Variants in CDH2 observed in about 807,000 individuals in gnomAD.
CDH2 encodes the protein cadherin 2.
CDH2 carries 17 observed loss-of-function variants against 92.0 expected under a neutral mutation model. The observed-to-expected ratio is 0.18, with a 90% confidence interval of 0.13 to 0.28. CDH2 has a LOEUF of 0.28. Ranked by LOEUF, CDH2 falls within the 10% of genes least tolerant of loss-of-function variation. The probability of loss-of-function intolerance (pLI) is 1.00; values close to 1 mark genes in which losing one functional copy is unlikely to be tolerated. For synonymous variants in CDH2, 419 were observed against 415.9 expected, an observed-to-expected ratio of 1.01 and a Z score of -0.09; for missense variants, 862 against 1,133.1, an observed-to-expected ratio of 0.76 and a Z score of 3.44.
chr18:28,060,755 A>G (rs2014387539), intron 2 of CDH2, among the ~76,000 whole-genome samples: 1 of 152,182 alleles, frequency 6.6e-6, no homozygotes, highest in African/African-American at 2.4e-5. Context: ...AGGTCATCTC[A>G]TATACTTCCT....
At chr18:28,001,466 C>T (rs926963536) in intron 7 of CDH2, among the ~76,000 whole-genome samples, 3 of 152,138 alleles carry the variant, frequency 2.0e-5, no homozygotes, top group African/African-American at 7.2e-5. Flanking sequence ...ATATGAGCAA[C>T]CTGGCACTGA....
chr18:28,056,484 C>A (rs2014296091), intron 2 of CDH2, among the ~76,000 whole-genome samples: 1 of 151,986 alleles, frequency 6.6e-6, no homozygotes, highest in African/African-American at 2.4e-5. Context: ...TTTCTTAGGT[C>A]TTTGATTATG....
intron 15 of CDH2, among the ~76,000 whole-genome samples, chr18:27,960,484 G>T (rs1348696015): frequency 6.6e-6 from 1 of 152,284 alleles, no homozygotes; most frequent in Non-Finnish European, 1.5e-5. Flanking sequence ...AGGGCCTTGA[G>T]ATGAAGTTGG....
chr18:28,020,551 T>G (rs1432334869), intron 2 of CDH2, among the ~76,000 whole-genome samples: 6 of 152,028 alleles, frequency 3.9e-5, no homozygotes, highest in Non-Finnish European at 8.8e-5. Context: ...ACATTTTCCT[T>G]ATGAATGGCA....
chr18:28,008,733 A>C (rs1437259294), intron 5 of CDH2, among the ~76,000 whole-genome samples: 1 of 152,074 alleles, frequency 6.6e-6, no homozygotes, highest in Non-Finnish European at 1.5e-5. Flanking sequence ...CCTAGAACTT[A>C]AAGTATAATA....
At chr18:28,154,589 T>G (rs2016179394) in intron 1 of CDH2, among the ~76,000 whole-genome samples, 1 of 152,232 alleles carries the variant, frequency 6.6e-6, no homozygotes, top group African/African-American at 2.4e-5. Context: ...ACATTGTTTT[T>G]GTTCTTGTTC....
intron 1 of CDH2, among the ~76,000 whole-genome samples, chr18:28,176,579 T>C (rs913217305): frequency 6.6e-6 from 1 of 151,960 alleles, no homozygotes; most frequent in African/African-American, 2.4e-5. Flanking sequence ...AACAAAAAAA[T>C]TGGAGCAAAG....
rs1185626347 is a variant in CDH2 at position 27,951,792 on chromosome 18, A to G, written c.*361T>C. 2 of 192,330 alleles carry G rather than the reference A, an allele frequency of 1.0e-5. No homozygotes were observed. The highest frequency in any genetic ancestry group is 4.7e-5 in the African/African-American group (2 of 42,670). 11.9% of individuals were successfully genotyped at this position (192,330 alleles called of 1,614,324 possible). A position where few individuals can be genotyped will look rare whatever the true frequency, so the allele number is the denominator to read the frequency against. On this transcript the variant is annotated 3_prime_UTR_variant, in exon 16 of 16. Coordinates refer to ENST00000269141, the MANE Select transcript of CDH2 (RefSeq NM_001792.5). ...TAACAAAAGCGTGTTGAAGCATATC[A>G]TGGTTTAACTTACTGCTCCCACCAC...
intron 2 of CDH2, among the ~76,000 whole-genome samples, chr18:28,114,051 T>C (rs1327062546): frequency 6.6e-6 from 1 of 152,072 alleles, no homozygotes; most frequent in Non-Finnish European, 1.5e-5. Context: ...GAGAGGATAC[T>C]AGAGGCTGGG....
At chr18:28,114,815 A>T (rs769032745) in intron 2 of CDH2, among the ~76,000 whole-genome samples, 11 of 151,710 alleles carry the variant, frequency 7.3e-5, no homozygotes, top group Non-Finnish European at 1.5e-4. Flanking sequence ...ACAACCTTAG[A>T]CTCAACCTGT....
chr18:28,084,513 A>G (rs978194176), intron 2 of CDH2, among the ~76,000 whole-genome samples: 2 of 152,080 alleles, frequency 1.3e-5, no homozygotes, highest in African/African-American at 4.8e-5. Flanking sequence ...AGCAGAAGAA[A>G]GCCAATTTTA....
intron 2 of CDH2, among the ~76,000 whole-genome samples, chr18:28,035,536 A>T (rs751318827): frequency 3.9e-5 from 6 of 152,070 alleles, no homozygotes; most frequent in Non-Finnish European, 8.8e-5. Flanking sequence ...AGGATGACTC[A>T]TATTCATCTT....
intron 2 of CDH2, among the ~76,000 whole-genome samples, chr18:28,100,532 A>AAAGAAAATCCTATGGCTCGGTTTCTCTGG (rs58268142): frequency 0.05 from 7,616 of 151,896 alleles, 673 homozygotes; most frequent in African/African-American, 0.18. Flanking sequence ...AATTCCTTAG[A>AAAGAAAATCCTATGGCTCGGTTTCTCTGG]AAGAAAATCC....
chr18:28,016,078 T>A (rs1442666723), intron 2 of CDH2, among the ~76,000 whole-genome samples: 1 of 152,220 alleles, frequency 6.6e-6, no homozygotes, highest in African/African-American at 2.4e-5. Flanking sequence ...CATGATGCCT[T>A]TCACAAGATT....
chr18:28,133,333 G>A (rs985566508), intron 2 of CDH2, among the ~76,000 whole-genome samples: 9 of 152,016 alleles, frequency 5.9e-5, no homozygotes, highest in South Asian at 2.1e-4. Flanking sequence ...CCTGTAATCC[G>A]AGCACTCTGG....
intron 15 of CDH2, among the ~76,000 whole-genome samples, chr18:27,958,892 G>T (rs1435402608): frequency 6.6e-6 from 1 of 152,124 alleles, no homozygotes; most frequent in Non-Finnish European, 1.5e-5. Context: ...GCTGCCATGT[G>T]AAGAAGAATG....
chr18:28,059,810 T>C (rs567455093), intron 2 of CDH2, among the ~76,000 whole-genome samples: 1 of 152,372 alleles, frequency 6.6e-6, no homozygotes, highest in Non-Finnish European at 1.5e-5. Context: ...ACACATTTGT[T>C]TGAATCAGAT....
At chr18:28,065,973 G>A (rs981087761) in intron 2 of CDH2, among the ~76,000 whole-genome samples, 1 of 152,156 alleles carries the variant, frequency 6.6e-6, no homozygotes, top group Admixed American at 6.5e-5. Context: ...GCATCCTGGA[G>A]CTTTCTAGTG....
chr18:27,958,548 C>CGTGTATATTTATATAT (rs1277049994), intron 15 of CDH2, among the ~76,000 whole-genome samples: 1 of 147,478 alleles, frequency 6.8e-6, no homozygotes, highest in African/African-American at 2.5e-5. Flanking sequence ...TATATAAATA[C>CGTGTATATTTATATAT]GTGTATATTT....
Sources: gnomAD v4.1 joint callset for allele counts (sites outside exome capture counted in the v4.1 genomes callset) on GRCh38, gnomAD v4.1.1 for gene constraint, MANE v1.5 for transcripts, NCBI Gene and HGNC (gene_info 2026-07-23, HGNC 2026-07-21) for gene names.